Variants in KIAA1217 observed in about 807,000 individuals in gnomAD.
KIAA1217 encodes the protein sickle tail protein homolog.
In KIAA1217, 88 loss-of-function variants were observed where a neutral mutation model predicts 163.9. The observed-to-expected ratio is 0.54, with a 90% CI of 0.45 to 0.64. The LOEUF (loss-of-function observed/expected upper bound fraction) is 0.64, where lower values mean the gene tolerates loss of function less well. Ranked by LOEUF, KIAA1217 falls within the 30% of genes least tolerant of loss-of-function variation. KIAA1217 has a pLI of 0.00. For synonymous variants in KIAA1217, 903 were observed against 923.1 expected (o/e 0.98, Z 0.39); for missense variants, 2,372 against 2,475.0 (o/e 0.96, Z 0.88).
Position 24,217,912 on chromosome 10 carries a change from G to A in KIAA1217, c.71-1714G>A, listed in dbSNP as rs139387028. On this transcript the variant is annotated intron_variant, in intron 1 of 20. Coordinates refer to ENST00000376454, the MANE Select transcript of KIAA1217 (RefSeq NM_019590.5). ...TTGCATACCTAATGTTAGTTCAGTC[G>A]TCTTCATTTTATTCATGAAGAGAAT... Among the ~76,000 whole-genome samples, 549 of 152,232 alleles carry A rather than the reference G, an allele frequency of 3.6e-3. 12 individuals carry two copies. In the East Asian group the frequency reaches 0.055, roughly 15 times the overall value.
At chr10:24,154,422 A>C (rs187930557) in intron 2 of KIAA1217, among the ~76,000 whole-genome samples, 2 of 152,158 alleles carry the variant, frequency 1.3e-5, no homozygotes, top group Admixed American at 6.5e-5. Flanking sequence ...ATGAGACTCT[A>C]TCTACAAGAA....
chr10:23,918,733 T>TACACACACACACACAC (rs1554823731), intron 1 of KIAA1217, among the ~76,000 whole-genome samples: 1 of 147,476 alleles, frequency 6.8e-6, no homozygotes, highest in African/African-American at 2.5e-5. Context: ...ATTAAATATA[T>TACACACACACACACAC]ACACACACAC....
chr10:23,812,106 C>G (rs1837090517), intron 1 of KIAA1217, among the ~76,000 whole-genome samples: 1 of 151,982 alleles, frequency 6.6e-6, no homozygotes, highest in African/African-American at 2.4e-5. Flanking sequence ...AAACAAAAAA[C>G]CCACTTAAGT....
At chr10:24,432,361 G>A (rs1169537138) in intron 3 of KIAA1217, among the ~76,000 whole-genome samples, 1 of 151,626 alleles carries the variant, frequency 6.6e-6, no homozygotes, top group African/African-American at 2.4e-5. Context: ...TAAGTGATTC[G>A]CCTGCCTCAG....
chr10:24,040,536 A>G (rs535303593), intron 2 of KIAA1217, among the ~76,000 whole-genome samples: 5 of 152,366 alleles, frequency 3.3e-5, no homozygotes, highest in African/African-American at 9.6e-5. Context: ...ATGAAGAGTA[A>G]AAGGGCTAGC....
At chr10:23,972,785 G>C (rs140178910) in intron 1 of KIAA1217, among the ~76,000 whole-genome samples, 2,567 of 152,018 alleles carry the variant, frequency 0.017, 63 homozygotes, top group African/African-American at 0.058. Context: ...CCATGAAAAG[G>C]AATGAGATCA....
intron 1 of KIAA1217, among the ~76,000 whole-genome samples, chr10:23,700,226 A>T (rs1836340693): frequency 6.6e-6 from 1 of 152,150 alleles, no homozygotes; most frequent in Non-Finnish European, 1.5e-5. Flanking sequence ...CCTCTTACAG[A>T]AAGCATTCAA....
At chr10:24,233,436 T>C (rs935075307) in intron 2 of KIAA1217, among the ~76,000 whole-genome samples, 3 of 152,138 alleles carry the variant, frequency 2.0e-5, no homozygotes, top group Non-Finnish European at 2.9e-5. Context: ...AATTTCAACA[T>C]GAGATTTGGA....
rs553510234 is a variant in KIAA1217, at chr10:24,514,717, C to T, written c.2177+1283C>T. Among the ~76,000 whole-genome samples the T allele has an allele frequency of 1.8e-4, 28 of 152,230 alleles. No individual in the cohort carries two copies. The South Asian group carries it at 5.2e-3, about 28-fold the overall frequency. ...TTAAAATGCATATCCTGGCTGGGCACGGAGGCTCATACCTGTAATCCCAGC... is the reference window on the plus strand; with the variant it reads ...TTAAAATGCATATCCTGGCTGGGCATGGAGGCTCATACCTGTAATCCCAGC... On this transcript the variant is annotated intron_variant, in intron 10 of 20. Coordinates refer to ENST00000376454, the MANE Select transcript of KIAA1217 (RefSeq NM_019590.5).
At chr10:24,082,350 G>T (rs1249325322) in intron 2 of KIAA1217, among the ~76,000 whole-genome samples, 3 of 151,926 alleles carry the variant, frequency 2.0e-5, no homozygotes, top group Non-Finnish European at 4.4e-5. Context: ...CATCACCTAG[G>T]TATTAAGCCC....
chr10:23,867,264 G>T (rs1291825286), intron 1 of KIAA1217, among the ~76,000 whole-genome samples: 1 of 151,924 alleles, frequency 6.6e-6, no homozygotes, highest in Non-Finnish European at 1.5e-5. Context: ...TGGACATTTG[G>T]GTTGGTTCCA....
At chr10:24,346,569 T>A in intron 2 of KIAA1217, among the ~76,000 whole-genome samples, 1 of 96,846 alleles carries the variant, frequency 1.0e-5, no homozygotes, top group Admixed American at 1.1e-4. Flanking sequence ...TTGTTGGCCC[T>A]TTTTTTTTTT....
intron 2 of KIAA1217, among the ~76,000 whole-genome samples, chr10:24,202,995 G>A (rs1233227577): frequency 1.3e-5 from 2 of 152,090 alleles, no homozygotes; most frequent in Admixed American, 6.5e-5. Flanking sequence ...TTCAAGACCA[G>A]CCTGAGCAAC....
chr10:24,404,154 T>G (rs2056902588), intron 3 of KIAA1217, among the ~76,000 whole-genome samples: 1 of 152,074 alleles, frequency 6.6e-6, no homozygotes, highest in East Asian at 1.9e-4. Flanking sequence ...ACACAGGGTT[T>G]CACCATGCTA....
At chr10:24,043,341 GT>G (rs1334102547) in intron 2 of KIAA1217, among the ~76,000 whole-genome samples, 2 of 152,128 alleles carry the variant, frequency 1.3e-5, no homozygotes, top group Admixed American at 6.5e-5. Context: ...ATAACTGGGA[GT>G]TTTTATTTTC....
intron 5 of KIAA1217, among the ~76,000 whole-genome samples, chr10:24,456,256 A>G (rs1010816886): frequency 3.3e-5 from 5 of 152,212 alleles, no homozygotes; most frequent in Admixed American, 6.5e-5. Context: ...GGCTGCATCC[A>G]GAGTCCTCAT....
At chr10:23,907,578 C>T (rs1413286510) in intron 1 of KIAA1217, among the ~76,000 whole-genome samples, 1 of 152,026 alleles carries the variant, frequency 6.6e-6, no homozygotes, top group Non-Finnish European at 1.5e-5. Context: ...TGTCCCAGGG[C>T]AGGAGAAGAT....
intron 1 of KIAA1217, among the ~76,000 whole-genome samples, chr10:23,961,994 G>A (rs890370248): frequency 2.0e-5 from 3 of 152,066 alleles, no homozygotes; most frequent in Non-Finnish European, 4.4e-5. Flanking sequence ...ATTTTATCTC[G>A]ATTACCTCTA....
chr10:23,888,303 A>G (rs1364887050), intron 1 of KIAA1217, among the ~76,000 whole-genome samples: 1 of 151,966 alleles, frequency 6.6e-6, no homozygotes, highest in African/African-American at 2.4e-5. Flanking sequence ...CAAAAAGGAT[A>G]TCAAGACTGA....
Sources: allele counts gnomAD v4.1 joint callset (sites outside exome capture counted in the v4.1 genomes callset), GRCh38; gene constraint gnomAD v4.1.1; transcripts MANE v1.5; gene names NCBI Gene and HGNC (gene_info 2026-07-23, HGNC 2026-07-21).